Variants in NOTCH1 observed in about 807,000 individuals in gnomAD.
NOTCH1 encodes the protein notch receptor 1.
Under a neutral mutation model 254.8 loss-of-function variants are expected in NOTCH1, and 37 were observed. The ratio of observed to expected loss-of-function variants is 0.15; its 90% confidence interval spans 0.11 to 0.19. The LOEUF (loss-of-function observed/expected upper bound fraction) is 0.19, where lower values mean the gene tolerates loss of function less well. NOTCH1 is among the 10% of genes least tolerant of loss of function. The pLI, the probability that NOTCH1 is intolerant of heterozygous loss-of-function variation, is 1.00. For synonymous variants in NOTCH1, 1,731 were observed against 1,618.1 expected, an observed-to-expected ratio of 1.07 and a Z score of -1.68; for missense variants, 2,972 against 3,708.6, an observed-to-expected ratio of 0.80 and a Z score of 5.16.
In NOTCH1 at chr9:136,534,118, C is replaced by T. The variant is rs548538256; in HGVS notation, c.140+9906G>A. 2.7e-3 allele frequency among the ~76,000 whole-genome samples: 418 copies of T among 152,234 alleles called. 5 individuals are homozygous for T. The South Asian group carries it at 0.032, about 12-fold the overall frequency. ...AGGGCTTTTGGGATGTGGCGGGAGA[C>T]GGGGGAGTCCACTTCTCAAACCCGG... On this transcript the variant is annotated intron_variant, in intron 2 of 33. Coordinates refer to ENST00000651671, the MANE Select transcript of NOTCH1 (RefSeq NM_017617.5).
intron 2 of NOTCH1, among the ~76,000 whole-genome samples, chr9:136,535,967 T>C (rs796429363): frequency 3.6e-3 from 98 of 27,508 alleles, no homozygotes; most frequent in Middle Eastern, 0.02. Flanking sequence ...GGATCCCTCC[T>C]GGGGCAATGG....
intron 30 of NOTCH1, among the ~76,000 whole-genome samples, chr9:136,501,450 G>GGA (rs1842994084): frequency 2.0e-5 from 3 of 146,744 alleles, no homozygotes; most frequent in Non-Finnish European, 3.0e-5. Flanking sequence ...AAAAAAAAAA[G>GGA]AAAAAAAAAA....
In NOTCH1 at chr9:136,517,897, C is replaced by T. The variant is rs747450858; in HGVS notation, c.1296G>A (p.Thr432=). The change falls in exon 8 of 34, where the codon ACG becomes ACA. Residue 432 remains threonine, a synonymous_variant. Transcript: ENST00000651671. The part of the protein sequence containing the change: ...PCEHAGKCIN[T]LGSFECQCLQ... ...GACACTGGCACTCGAAGGAGCCCAG[C>T]GTGTTGATGCACTTGCCCGCATGCT... 8 of 1,612,100 alleles carry T rather than the reference C, an allele frequency of 5.0e-6. No homozygotes were observed. The highest frequency in any genetic ancestry group is 1.7e-5 in the Admixed American group (1 of 59,988).
Position 136,497,332 on chromosome 9 carries a change from G to T in NOTCH1, c.6407C>A (p.Ser2136Ter). The T allele has an allele frequency of 6.2e-7, 1 of 1,606,186 alleles. No homozygotes were observed. The part of the protein sequence containing the change: ...GAPLGGTPTL[S>*]PPLCSPNGYL... The stretch of plus-strand genomic sequence containing the variant: ...GCCGTTGGGCGAGCAGAGCGGGGGC[G>T]ACAGGGTGGGCGTGCCCCCCAGCGG... The change falls in exon 34 of 34, where the codon TCG becomes TAG. Residue 2136 changes from serine (S) to a stop codon, truncating the protein, a stop_gained. Coordinates refer to ENST00000651671, the MANE Select transcript of NOTCH1 (RefSeq NM_017617.5). LOFTEE classifies it high-confidence loss of function.
chr9:136,525,488 G>A (rs756270305), intron 2 of NOTCH1, among the ~76,000 whole-genome samples: 15 of 152,242 alleles, frequency 9.9e-5, no homozygotes, highest in Non-Finnish European at 1.8e-4. Context: ...CCAGCGGCCC[G>A]GGAAGGCAGC....
rs1843067745 is a variant in NOTCH1, at chr9:136,505,554, C to T, written c.4342G>A (p.Ala1448Thr). 6.2e-7 allele frequency: 1 copy of T among 1,611,400 alleles called. No homozygotes were observed. Among genetic ancestry groups the T allele is most frequent in the Non-Finnish European group, 8.5e-7 (1 of 1,179,176 alleles). The change falls in exon 25 of 34, where the codon GCG becomes ACG. Residue 1448 changes from alanine (A) to threonine (T), a missense_variant. Physicochemically the swap from Ala to Thr is moderately conservative, Grantham distance 58. This residue lies in a region of NOTCH1 where 1,343 missense variants were observed against 1,557.0 expected (regional missense o/e 0.86). Coordinates refer to ENST00000651671, the MANE Select transcript of NOTCH1 (RefSeq NM_017617.5). ...RDIPPPLIEE[A>T]CELPECQEDA... is the part of the protein sequence containing the mutation. ...TCCTGGCACTCGGGCAGCTCGCACGCCTCCTCGATCAGCGGCGGGGGGATG... is the reference window on the plus strand; with the variant it reads ...TCCTGGCACTCGGGCAGCTCGCACGTCTCCTCGATCAGCGGCGGGGGGATG...
rs369070550 is a variant in NOTCH1, at chr9:136,515,661, G to A, written c.1725C>T (p.Cys575=). The change falls in exon 11 of 34, where the codon TGC becomes TGT. Residue 575 remains cysteine (C), a synonymous_variant. Coordinates refer to ENST00000651671, the MANE Select transcript of NOTCH1 (RefSeq NM_017617.5). ...VDIDECDPDP[C]HYGSCKDGVA... is the part of the protein sequence containing the mutation. ...CGCCGTCCTTGCAGGAGCCGTAGTG[G>A]CAGGGGTCGGGGTCGCACTCATCGA... 23 of 1,579,960 alleles carry A rather than the reference G, an allele frequency of 1.5e-5. No homozygotes were observed. The African/African-American group carries it at 2.6e-4, about 18-fold the overall frequency.
chr9:136,518,093 G>A (rs1843306313), intron 7 of NOTCH1, 44 bp downstream of exon 7: 1 of 1,560,854 alleles, frequency 6.4e-7, no homozygotes, highest in African/African-American at 1.4e-5. Context: ...TCTGGGGCCA[G>A]GCTGCCACCC....
chr9:136,519,301 T>C lies in NOTCH1; in HGVS notation c.865+142A>G, dbSNP rs1462150426. 4 of 1,225,180 alleles carry C rather than the reference T, an allele frequency of 3.3e-6. No homozygotes were observed. In the African/African-American group the frequency reaches 4.4e-5, roughly 14 times the overall value. 75.9% of individuals were successfully genotyped at this position (1,225,180 alleles called of 1,614,324 possible). A position where few individuals can be genotyped will look rare whatever the true frequency, so the allele number is the denominator to read the frequency against. ...GCCACGGGAAGTGGGGCCCCCATCATGTTGTCCTTCTCGGCCAACCCTAGT... is the reference window on the plus strand; with the variant it reads ...GCCACGGGAAGTGGGGCCCCCATCACGTTGTCCTTCTCGGCCAACCCTAGT... On this transcript the variant is annotated intron_variant, in intron 5 of 33. Transcript: ENST00000651671.
rs759834538 is a variant in NOTCH1 at position 136,517,294 on chromosome 9, C to A, written c.1533G>T (p.Glu511Asp). The A allele has an allele frequency of 1.9e-6, 3 of 1,607,668 alleles. No individual in the cohort carries two copies. Among genetic ancestry groups the A allele is most frequent in the Non-Finnish European group, 2.5e-6 (3 of 1,177,458 alleles). Residue 511 changes from glutamate to aspartate, a missense_variant, in exon 9 of 34, where the codon GAG (glutamate) becomes GAT (aspartate). Physicochemically the swap from Glu to Asp is conservative, Grantham distance 45. This residue lies in a region of NOTCH1 where 128 missense variants were observed against 193.8 expected (regional missense o/e 0.66). Transcript: ENST00000651671. ...HNGRCLDKIN[E>D]FQCECPTGFT... is the part of the protein sequence containing the mutation. ...CACCCGTGGGGCACTCGCACTGGAA[C>A]TCATTGATCTTGTCCAGGCAGCGGC...
chr9:136,530,195 C>T (rs1476110164), intron 2 of NOTCH1, among the ~76,000 whole-genome samples: 1 of 152,240 alleles, frequency 6.6e-6, no homozygotes, highest in Non-Finnish European at 1.5e-5. Context: ...TGAGCCGGGG[C>T]CAGGCTTTCC....
intron 2 of NOTCH1, among the ~76,000 whole-genome samples, chr9:136,527,117 C>G (rs1367469701): frequency 6.6e-6 from 1 of 152,200 alleles, no homozygotes; most frequent in Non-Finnish European, 1.5e-5. Flanking sequence ...AGCTTTGGGC[C>G]CAGTCTCCCG....
chr9:136,507,476 C>T (rs7040584), intron 21 of NOTCH1, 39 bp from the exon 22 acceptor site: 39 of 1,571,352 alleles, frequency 2.5e-5, no homozygotes, highest in Middle Eastern at 1.7e-4. Context: ...TCGGCTCAGC[C>T]GGCGCCAGGA....
chr9:136,520,613 T>C (rs1358859744), intron 4 of NOTCH1, among the ~76,000 whole-genome samples: 1 of 151,888 alleles, frequency 6.6e-6, no homozygotes, highest in Non-Finnish European at 1.5e-5. Flanking sequence ...GGCGCCGGCC[T>C]GTGGTCCCAA....
intron 4 of NOTCH1, among the ~76,000 whole-genome samples, chr9:136,520,905 C>A (rs1260533296): frequency 2.6e-5 from 4 of 152,154 alleles, no homozygotes; most frequent in African/African-American, 9.7e-5. Context: ...GGGAAGCCAG[C>A]GAGAGCCCCG....
chr9:136,531,371 C>T (rs1201340120), intron 2 of NOTCH1, among the ~76,000 whole-genome samples: 2 of 152,198 alleles, frequency 1.3e-5, no homozygotes, highest in Non-Finnish European at 2.9e-5. Flanking sequence ...CGGGGCAGGG[C>T]AAGGCAGCTC....
At chr9:136,523,300 A>G in intron 3 of NOTCH1, 112 bp from the exon 4 acceptor site, 1 of 1,080,146 alleles carries the variant, frequency 9.3e-7, no homozygotes. Context: ...CTTAGGTGCT[A>G]TCACATTTGA....
chr9:136,499,069 G>A lies in NOTCH1; in HGVS notation c.6082+43C>T, dbSNP rs181838642. 1.6e-3 allele frequency: 2,656 copies of A among 1,612,594 alleles called. 2 individuals carry two copies. Among genetic ancestry groups the A allele is most frequent in the Middle Eastern group, 8.7e-3 (53 of 6,062 alleles). Reference sequence around the variant, plus strand: ...ACCCAGTCCCACCCGTCCCTGTGGCGGTCCCGCCCCACGACAGAGCAGCCG... The same window carrying A: ...ACCCAGTCCCACCCGTCCCTGTGGCAGTCCCGCCCCACGACAGAGCAGCCG... On this transcript the variant is annotated intron_variant, in intron 32 of 33. Transcript: ENST00000651671.
chr9:136,507,283 C>A, intron 22 of NOTCH1, 22 bp downstream of exon 22: 1 of 1,612,796 alleles, frequency 6.2e-7, no homozygotes, highest in Non-Finnish European at 8.5e-7. Context: ...CCAACACCAG[C>A]CCTCCGTGCA....
Sources: gnomAD v4.1 joint callset for allele counts (sites outside exome capture counted in the v4.1 genomes callset) on GRCh38, gnomAD v4.1.1 for gene constraint, gnomAD v4.1.1 regional missense constraint, MANE v1.5 for transcripts, NCBI Gene and HGNC (gene_info 2026-07-23, HGNC 2026-07-21) for gene names.